LRMDA: variants seen among roughly 807,000 people sequenced by gnomAD.
The protein encoded by LRMDA is leucine rich melanocyte differentiation associated, also known as leucine-rich melanocyte differentiation-associated protein.
LRMDA carries 18 observed loss-of-function variants against 29.8 expected under a neutral mutation model. That is an observed-to-expected ratio of 0.60 (90% CI 0.42 to 0.90). The LOEUF (loss-of-function observed/expected upper bound fraction) is 0.90, where lower values mean the gene tolerates loss of function less well. LRMDA is among the 40% of genes least tolerant of loss of function. The pLI, the probability that LRMDA is intolerant of heterozygous loss-of-function variation, is 0.00. For missense variants in LRMDA, 273 were observed against 273.9 expected (o/e 1.00, Z 0.02); for synonymous variants, 125 against 109.4 (o/e 1.14, Z -0.89).
chr10:76,104,527 A>G (rs12783408), intron 5 of LRMDA, among the ~76,000 whole-genome samples: 12 of 50,592 alleles, frequency 2.4e-4, no homozygotes, highest in Non-Finnish European at 6.1e-4. Flanking sequence ...CTGCAGCTCT[A>G]GGTCTCCCTG....
intron 2 of LRMDA, among the ~76,000 whole-genome samples, chr10:75,473,344 G>A (rs947705814): frequency 2.6e-5 from 4 of 152,190 alleles, no homozygotes; most frequent in African/African-American, 7.2e-5. Context: ...AGCAGGGGGC[G>A]GTGCTGAAGA....
chr10:75,482,444 C>A (rs1844864868), intron 2 of LRMDA, among the ~76,000 whole-genome samples: 1 of 152,204 alleles, frequency 6.6e-6, no homozygotes, highest in African/African-American at 2.4e-5. Flanking sequence ...TAGGCAGAAT[C>A]ATCTTGGCAG....
chr10:75,574,359 T>C (rs1184417524), intron 2 of LRMDA, among the ~76,000 whole-genome samples: 1 of 152,162 alleles, frequency 6.6e-6, no homozygotes, highest in African/African-American at 2.4e-5. Flanking sequence ...TGTTGTGATA[T>C]AGGTTATACA....
intron 5 of LRMDA, among the ~76,000 whole-genome samples, chr10:76,175,795 G>A (rs1311325391): frequency 6.6e-6 from 1 of 152,228 alleles, no homozygotes; most frequent in Non-Finnish European, 1.5e-5. Flanking sequence ...TTTTGTTAGA[G>A]ATGCGCCCAG....
At chr10:76,459,897 A>G (rs1426381880) in intron 6 of LRMDA, among the ~76,000 whole-genome samples, 1 of 152,174 alleles carries the variant, frequency 6.6e-6, no homozygotes. Context: ...ACTCAGAACA[A>G]TGAGAAATTG....
intron 6 of LRMDA, among the ~76,000 whole-genome samples, chr10:76,367,699 C>T (rs1285903328): frequency 1.3e-5 from 2 of 152,132 alleles, no homozygotes; most frequent in African/African-American, 2.4e-5. Flanking sequence ...CCACCTGCCT[C>T]GGCCTCCCAA....
chr10:75,616,234 T>TAGCAGCAGCAGCAGC (rs1006575002), intron 2 of LRMDA, among the ~76,000 whole-genome samples: 115 of 146,810 alleles, frequency 7.8e-4, no homozygotes, highest in African/African-American at 2.9e-3. Flanking sequence ...ACAGTAATAG[T>TAGCAGCAGCAGCAGC]AGCAGTAGCA....
intron 5 of LRMDA, among the ~76,000 whole-genome samples, chr10:76,260,563 T>C (rs1422135693): frequency 2.0e-5 from 3 of 152,190 alleles, no homozygotes; most frequent in East Asian, 1.9e-4. Context: ...ATTAATGTAA[T>C]GAGAGTTCCC....
chr10:75,987,608 A>G (rs1475003876), intron 2 of LRMDA, among the ~76,000 whole-genome samples: 2 of 152,224 alleles, frequency 1.3e-5, no homozygotes, highest in Non-Finnish European at 2.9e-5. Context: ...ACTGGCTGCC[A>G]TAAGAGCTGG....
intron 5 of LRMDA, among the ~76,000 whole-genome samples, chr10:76,141,515 T>C (rs549728560): frequency 6.6e-6 from 1 of 152,268 alleles, no homozygotes; most frequent in Non-Finnish European, 1.5e-5. Context: ...TATGTCAAGT[T>C]TGTACACCTA....
intron 2 of LRMDA, among the ~76,000 whole-genome samples, chr10:75,731,156 G>C (rs754629022): frequency 1.6e-4 from 24 of 152,234 alleles, no homozygotes; most frequent in Non-Finnish European, 2.2e-4. Flanking sequence ...TTCAGAGCTA[G>C]AGATTTTGGA....
chr10:75,573,531 T>C (rs1589189806), intron 2 of LRMDA, among the ~76,000 whole-genome samples: 1 of 152,308 alleles, frequency 6.6e-6, no homozygotes, highest in South Asian at 2.1e-4. Context: ...TTTTAGCCTA[T>C]GATTCACAAA....
chr10:76,531,440 C>A (rs1843232836), intron 6 of LRMDA, among the ~76,000 whole-genome samples: 1 of 152,054 alleles, frequency 6.6e-6, no homozygotes, highest in East Asian at 1.9e-4. Context: ...TTGTAGATAA[C>A]TTTTATCAGT....
At chr10:75,742,469 C>T (rs560965315) in intron 2 of LRMDA, among the ~76,000 whole-genome samples, 8 of 152,258 alleles carry the variant, frequency 5.3e-5, no homozygotes, top group Non-Finnish European at 8.8e-5. Flanking sequence ...GTGGGTCCTC[C>T]CCCAACACTT....
chr10:75,908,205 C>T (rs376659516), intron 2 of LRMDA, among the ~76,000 whole-genome samples: 6 of 152,170 alleles, frequency 3.9e-5, no homozygotes, highest in South Asian at 2.1e-4. Flanking sequence ...AAAGCTGAGG[C>T]GCAGAGAAGT....
intron 2 of LRMDA, among the ~76,000 whole-genome samples, chr10:75,463,234 A>G (rs1209291963): frequency 6.6e-6 from 1 of 152,048 alleles, no homozygotes; most frequent in East Asian, 1.9e-4. Context: ...GTGCTTTCCA[A>G]ACTTGAGCGT....
At chr10:75,877,840 T>A (rs1477388001) in intron 2 of LRMDA, among the ~76,000 whole-genome samples, 1 of 152,186 alleles carries the variant, frequency 6.6e-6, no homozygotes, top group Non-Finnish European at 1.5e-5. Flanking sequence ...GATAAGCTGT[T>A]TTCTCACTCT....
rs80269420 is a variant in LRMDA, at chr10:75,854,457, T to C, written c.132-181551T>C. Among the ~76,000 whole-genome samples, 101 of 152,266 alleles carry C rather than the reference T, an allele frequency of 6.6e-4. No homozygotes were observed. The East Asian group carries it at 0.018, about 27-fold the overall frequency. On this transcript the variant is annotated intron_variant, in intron 2 of 6. Coordinates refer to ENST00000611255, the MANE Select transcript of LRMDA (RefSeq NM_001305581.2). ...TCCAGATTTGGATGGCCACTTTCTA[T>C]ATAATACTGAAAAGGAATGTTTATA... is the stretch of plus-strand genomic sequence containing the variant.
intron 5 of LRMDA, among the ~76,000 whole-genome samples, chr10:76,180,450 T>C (rs945982909): frequency 6.6e-6 from 1 of 151,768 alleles, no homozygotes; most frequent in Non-Finnish European, 1.5e-5. Context: ...CGGCTAATTT[T>C]TTGTATTTTT....
Sources: allele counts gnomAD v4.1 joint callset (sites outside exome capture counted in the v4.1 genomes callset), GRCh38; gene constraint gnomAD v4.1.1; transcripts MANE v1.5; gene names NCBI Gene and HGNC (gene_info 2026-07-23, HGNC 2026-07-21).